The following PEX7 variants were observed in gnomAD, a reference collection of about 807,000 sequenced individuals.
PEX7 encodes PTS2 receptor.
PEX7 carries 34 observed loss-of-function variants against 47.5 expected under a neutral mutation model. That is an observed-to-expected ratio of 0.72 (90% CI 0.54 to 0.95). PEX7 has a LOEUF of 0.95. Among genes scored for constraint, PEX7 ranks in the 40% least tolerant of loss-of-function variants. The pLI is 0.00. For synonymous variants in PEX7, 141 were observed against 148.8 expected, an observed-to-expected ratio of 0.95 and a Z score of 0.38; for missense variants, 394 against 400.3, an observed-to-expected ratio of 0.98 and a Z score of 0.13.
In PEX7 at chr6:136,877,461, T is replaced by C. The variant is rs146360623; in HGVS notation, c.803+5208T>C. 4.7e-3 allele frequency among the ~76,000 whole-genome samples: 722 copies of C among 152,344 alleles called. 1 individual carries two copies. Among genetic ancestry groups the C allele is most frequent in the Non-Finnish European group, 7.9e-3 (540 of 68,028 alleles). ...TTATGGTTTTGGGTTTACATTTAAG[T>C]CTTTAATCCATCTTGAGTTAATTTT... On this transcript the variant is annotated intron_variant, in intron 8 of 9. Coordinates refer to ENST00000318471, the MANE Select transcript of PEX7 (RefSeq NM_000288.4).
chr6:136,858,379 AAG>A (rs2115196962), intron 5 of PEX7, among the ~76,000 whole-genome samples: 1 of 152,316 alleles, frequency 6.6e-6, no homozygotes, highest in South Asian at 2.1e-4. Flanking sequence ...GTGCTTATCT[AAG>A]AGCTAAAACT....
chr6:136,891,943 C>T (rs1453857714), intron 8 of PEX7, among the ~76,000 whole-genome samples: 1 of 152,052 alleles, frequency 6.6e-6, no homozygotes, highest in African/African-American at 2.4e-5. Flanking sequence ...TTTTTTAATC[C>T]CTTCCAAAAA....
chr6:136,860,273 T>C (rs1774934323), intron 5 of PEX7, among the ~76,000 whole-genome samples: 2 of 152,236 alleles, frequency 1.3e-5, no homozygotes, highest in South Asian at 4.1e-4. Context: ...GAAAACAAAA[T>C]GGCGAGGATG....
chr6:136,825,584 A>T (rs1318810249), intron 2 of PEX7, among the ~76,000 whole-genome samples: 5 of 151,874 alleles, frequency 3.3e-5, no homozygotes. Flanking sequence ...CCCAGGCTGG[A>T]GTACAGTGGC....
At chr6:136,890,427 T>TTCC (rs1208496939) in intron 8 of PEX7, among the ~76,000 whole-genome samples, 1 of 152,332 alleles carries the variant, frequency 6.6e-6, no homozygotes, top group Non-Finnish European at 1.5e-5. Context: ...GACTTTGTCA[T>TTCC]TCCTCCTCCT....
At chr6:136,909,877 T>C (rs961417400) in intron 9 of PEX7, among the ~76,000 whole-genome samples, 1 of 152,210 alleles carries the variant, frequency 6.6e-6, no homozygotes, top group Non-Finnish European at 1.5e-5. Context: ...AATTTATAGA[T>C]ACCTTGCACT....
intron 3 of PEX7, among the ~76,000 whole-genome samples, chr6:136,843,006 TAA>T (rs1774529532): frequency 6.6e-6 from 1 of 152,170 alleles, no homozygotes; most frequent in Non-Finnish European, 1.5e-5. Flanking sequence ...GTAGCTCCAG[TAA>T]AGGGTGAAAC....
chr6:136,877,773 C>G (rs1290516077), intron 8 of PEX7, among the ~76,000 whole-genome samples: 2 of 152,010 alleles, frequency 1.3e-5, no homozygotes, highest in Non-Finnish European at 2.9e-5. Flanking sequence ...GTAGGATTGT[C>G]TTGGCTTTAT....
intron 9 of PEX7, among the ~76,000 whole-genome samples, chr6:136,910,001 CA>C (rs1414205434): frequency 6.6e-6 from 1 of 152,124 alleles, no homozygotes; most frequent in African/African-American, 2.4e-5. Context: ...GGTAATTTAA[CA>C]TAATGATCTT....
chr6:136,889,194 T>C (rs1775516528), intron 8 of PEX7, among the ~76,000 whole-genome samples: 1 of 152,192 alleles, frequency 6.6e-6, no homozygotes, highest in South Asian at 2.1e-4. Flanking sequence ...AAAATTCTTG[T>C]GTTAATTACT....
intron 9 of PEX7, 26 bp downstream of exon 9, chr6:136,898,267 C>T (rs1775688045): frequency 7.4e-7 from 1 of 1,342,830 alleles, no homozygotes; most frequent in Non-Finnish European, 1.1e-6. Context: ...TCATGATATT[C>T]TCTTCTGCCC....
At chr6:136,855,438 C>T (rs989060106) in intron 5 of PEX7, among the ~76,000 whole-genome samples, 1 of 151,390 alleles carries the variant, frequency 6.6e-6, no homozygotes, top group Non-Finnish European at 1.5e-5. Context: ...CTCCCACCTT[C>T]AAGCGATTCT....
At position 136,823,119 on chromosome 6, in the gene PEX7, G is replaced by C. The variant is rs1028783584; in HGVS notation, c.130+324G>C. The C allele has an allele frequency of 9.1e-6, 9 of 985,454 alleles. No individual in the cohort carries two copies. In the South Asian group the frequency reaches 3.8e-4, roughly 41 times the overall value. 61.0% of individuals were successfully genotyped at this position (985,454 alleles called of 1,614,324 possible). ...CACACGTCCCCGTAGGGAGAGCCGG[G>C]GGAGCCTGCGCGGTCCCTTGGATCG... On this transcript the variant is annotated intron_variant, in intron 1 of 9. Transcript: ENST00000318471.
rs555647843 is a variant in PEX7, at chr6:136,849,312, T to C, written c.526+3131T>C. ...CTTTTCAAAAAACCAGCTCCTGGAT[T>C]CATTGATTTTTTTGAAGGGTTTTTT... On this transcript the variant is annotated intron_variant, in intron 5 of 9. Transcript: ENST00000318471. 1.7e-3 allele frequency among the ~76,000 whole-genome samples: 256 copies of C among 152,310 alleles called. 2 individuals carry two copies. Among genetic ancestry groups the C allele is most frequent in the African/African-American group, 6.0e-3 (251 of 41,570 alleles).
chr6:136,874,545 G>A (rs1775235146), intron 8 of PEX7, among the ~76,000 whole-genome samples: 1 of 151,644 alleles, frequency 6.6e-6, no homozygotes, highest in Non-Finnish European at 1.5e-5. Context: ...GATGGCAGGT[G>A]CCTGTAATCC....
chr6:136,846,802 A>G (rs1183651035), intron 5 of PEX7, among the ~76,000 whole-genome samples: 1 of 152,214 alleles, frequency 6.6e-6, no homozygotes, highest in Non-Finnish European at 1.5e-5. Flanking sequence ...CGCAGTAAAC[A>G]TACATATGCA....
rs750010045 is a variant in PEX7 at position 136,869,169 on chromosome 6, C to T, written c.634-721C>T. Among the ~76,000 whole-genome samples the T allele has an allele frequency of 1.6e-4, 25 of 152,206 alleles. 1 individual carries two copies. Among genetic ancestry groups the T allele is most frequent in the Non-Finnish European group, 1.8e-4 (12 of 68,040 alleles). ...CAAACTCCTGGGCTCAAGTGATCCA[C>T]CGGCCTTGGCCTCCCAAAGTGCTGG... On this transcript the variant is annotated intron_variant, in intron 6 of 9. Coordinates refer to ENST00000318471, the MANE Select transcript of PEX7 (RefSeq NM_000288.4).
At position 136,828,139 on chromosome 6, in the gene PEX7, A is replaced by G. The variant is rs539090749; in HGVS notation, c.339+1670A>G. On this transcript the variant is annotated intron_variant, in intron 3 of 9. Coordinates refer to ENST00000318471, the MANE Select transcript of PEX7 (RefSeq NM_000288.4). ...TGACTTAATGTTTTTCTTTCAATCAAGTAAAGTCGTTGCTTCATTTATCCT... is the reference window on the plus strand; with the variant it reads ...TGACTTAATGTTTTTCTTTCAATCAGGTAAAGTCGTTGCTTCATTTATCCT... Among the ~76,000 whole-genome samples, 8 of 152,302 alleles carry G rather than the reference A, an allele frequency of 5.3e-5. No homozygotes were observed. The South Asian group carries it at 1.7e-3, about 32-fold the overall frequency.
intron 9 of PEX7, 49 bp from the exon 10 acceptor site, chr6:136,913,409 T>G (rs1775963327): frequency 7.3e-7 from 1 of 1,362,868 alleles, no homozygotes; most frequent in African/African-American, 1.4e-5. Context: ...CAATTTTGAA[T>G]TTTTGTATGT....
Sources: gnomAD v4.1 joint callset for allele counts (sites outside exome capture counted in the v4.1 genomes callset) on GRCh38, gnomAD v4.1.1 for gene constraint, MANE v1.5 for transcripts, NCBI Gene and HGNC (gene_info 2026-07-23, HGNC 2026-07-21) for gene names.